UACA: variants seen among roughly 807,000 people sequenced by gnomAD.
UACA encodes the protein nuclear membrane binding protein.
A neutral mutation model predicts 160.5 loss-of-function variants in UACA; 112 were observed. The observed-to-expected ratio is 0.70, with a 90% CI of 0.60 to 0.82. UACA has a LOEUF of 0.82. Among genes scored for constraint, UACA ranks in the 40% least tolerant of loss-of-function variants. The probability of loss-of-function intolerance (pLI) is 0.00; values close to 1 mark genes in which losing one functional copy is unlikely to be tolerated. For missense variants in UACA, 1,574 were observed against 1,614.6 expected (o/e 0.97, Z 0.43); for synonymous variants, 557 against 568.4 (o/e 0.98, Z 0.29).
intron 1 of UACA, among the ~76,000 whole-genome samples, chr15:70,756,547 G>A (rs1017308978): frequency 6.6e-6 from 1 of 152,020 alleles, no homozygotes; most frequent in Admixed American, 6.6e-5. Flanking sequence ...TTATTTTGAA[G>A]GAAATCCCAG....
intron 1 of UACA, among the ~76,000 whole-genome samples, chr15:70,721,410 G>A (rs1322487857): frequency 6.6e-6 from 1 of 152,158 alleles, no homozygotes; most frequent in African/African-American, 2.4e-5. Context: ...CGGATCACAA[G>A]GTCAGGAGAT....
intron 17 of UACA, chr15:70,661,462 C>G (rs1275412538): frequency 1.3e-5 from 2 of 152,150 alleles, no homozygotes; most frequent in South Asian, 2.1e-4. Context: ...GGACACTATA[C>G]TCTTTGGATA....
intron 1 of UACA, among the ~76,000 whole-genome samples, chr15:70,744,227 C>T (rs1270862946): frequency 1.5e-5 from 2 of 130,238 alleles, no homozygotes; most frequent in African/African-American, 3.0e-5. Flanking sequence ...CCAGCCTGGG[C>T]GACAGAGCAA....
At chr15:70,721,758 G>T (rs189924243) in intron 1 of UACA, among the ~76,000 whole-genome samples, 54 of 152,172 alleles carry the variant, frequency 3.5e-4, no homozygotes, top group Non-Finnish European at 6.9e-4. Flanking sequence ...CTTAGAGTAA[G>T]TTCAGTCACC....
the UACA span, among the ~76,000 whole-genome samples, chr15:70,771,181 C>T: frequency 2.0e-5 from 3 of 152,282 alleles, no homozygotes; most frequent in South Asian, 4.1e-4. Flanking sequence ...ATTTCATTAC[C>T]GTGCTTCCTG....
At chr15:70,690,820 G>GA (rs551827534) in intron 4 of UACA, among the ~76,000 whole-genome samples, 30 of 151,788 alleles carry the variant, frequency 2.0e-4, no homozygotes, top group Non-Finnish European at 3.8e-4. Context: ...TACTGAATCA[G>GA]AAAAGCAGGT....
At chr15:70,770,578 T>C in the UACA span, among the ~76,000 whole-genome samples, 50 of 152,342 alleles carry the variant, frequency 3.3e-4, no homozygotes, top group Middle Eastern at 6.8e-3. Flanking sequence ...CAACACATGC[T>C]GAACTTCAAA....
chr15:70,762,044 CT>C lies in UACA; in HGVS notation c.78+1285del, dbSNP rs200284571. Among the ~76,000 whole-genome samples, 613 of 152,002 alleles carry C rather than the reference CT, an allele frequency of 4.0e-3. 2 individuals carry two copies. Among genetic ancestry groups the C allele is most frequent in the Non-Finnish European group, 7.0e-3 (479 of 67,962 alleles). On this transcript the variant is annotated intron_variant, in intron 1 of 18. Transcript: ENST00000322954. ...CACTAAATGACATTTCTGCCAGTTA[CT>C]TTTTTTAAAAAAAAAAGTGAAACAA...
intron 7 of UACA, among the ~76,000 whole-genome samples, chr15:70,686,841 G>T (rs1315795360): frequency 6.6e-6 from 1 of 152,058 alleles, no homozygotes; most frequent in East Asian, 1.9e-4. Context: ...TAAATGGAAG[G>T]GGTGTGTTTC....
intron 3 of UACA, among the ~76,000 whole-genome samples, chr15:70,691,653 C>A (rs571658832): frequency 1.3e-5 from 2 of 152,142 alleles, no homozygotes; most frequent in South Asian, 4.1e-4. Flanking sequence ...GTACCTAAAA[C>A]ACAGCAGATA....
intron 1 of UACA, among the ~76,000 whole-genome samples, chr15:70,700,882 A>C (rs1044787030): frequency 6.6e-6 from 1 of 152,102 alleles, no homozygotes; most frequent in African/African-American, 2.4e-5. Flanking sequence ...AAATACCCTA[A>C]CAAATCTGAG....
chr15:70,727,116 T>C (rs547278306), intron 1 of UACA, among the ~76,000 whole-genome samples: 5 of 152,326 alleles, frequency 3.3e-5, no homozygotes, highest in Admixed American at 1.3e-4. Flanking sequence ...TGCAGCTTTT[T>C]CTTAAGGGTT....
In UACA at chr15:70,670,953, T is replaced by A. The variant is rs1301253726; in HGVS notation, c.1221+86A>T. 28 of 752,154 alleles carry A rather than the reference T, an allele frequency of 3.7e-5. No homozygotes were observed. The Admixed American group carries it at 8.8e-4, about 24-fold the overall frequency. The allele number at this position is 752,154 out of a possible 1,614,324, so 46.6% of individuals were successfully genotyped here. A position where few individuals can be genotyped will look rare whatever the true frequency, so the allele number is the denominator to read the frequency against. On this transcript the variant is annotated intron_variant, in intron 15 of 18. Coordinates refer to ENST00000322954, the MANE Select transcript of UACA (RefSeq NM_018003.4). ...TCACTCTATGTATATATACTTAATG[T>A]ACAATGCCGCTTTCTCCTCTCTTTA...
intron 5 of UACA, 58 bp from the exon 6 acceptor site, chr15:70,687,878 G>T: frequency 6.6e-7 from 1 of 1,512,996 alleles, no homozygotes; most frequent in Non-Finnish European, 9.2e-7. Flanking sequence ...GACACATAGT[G>T]TTTTTCTAGG....
chr15:70,749,559 C>T (rs548922193), intron 1 of UACA, among the ~76,000 whole-genome samples: 4 of 150,608 alleles, frequency 2.7e-5, no homozygotes, highest in African/African-American at 9.8e-5. Context: ...ATTAGCCAGG[C>T]GTAGTGGTGG....
At position 70,695,117 on chromosome 15, in the gene UACA, A is replaced by G. The variant is rs1319184647; in HGVS notation, c.213-12T>C. 1.3e-6 allele frequency: 2 copies of G among 1,577,110 alleles called. No individual in the cohort carries two copies. The highest frequency in any genetic ancestry group is 1.7e-6 in the Non-Finnish European group (2 of 1,162,592). ...TCACAACATGGAAGCTAAACAAAAA[A>G]AAAATATTTGTTGTGCTAAGGAAAC... On this transcript the variant is annotated splice_polypyrimidine_tract_variant and intron_variant, in intron 2 of 18. Coordinates refer to ENST00000322954, the MANE Select transcript of UACA (RefSeq NM_018003.4).
At chr15:70,701,427 G>A (rs928592056) in intron 1 of UACA, among the ~76,000 whole-genome samples, 19 of 152,168 alleles carry the variant, frequency 1.2e-4, no homozygotes, top group African/African-American at 3.9e-4. Flanking sequence ...ACAAATGCTT[G>A]TTCTAGATTT....
At chr15:70,681,849 C>T (rs1897519734) in intron 9 of UACA, 1 of 152,218 alleles carries the variant, frequency 6.6e-6, no homozygotes, top group Admixed American at 6.5e-5. Flanking sequence ...CAAACTGGCA[C>T]ATTCAGCACA....
Position 70,669,282 on chromosome 15 carries a change from C to A in UACA, c.1402G>T (p.Ala468Ser). The A allele has an allele frequency of 6.2e-7, 1 of 1,614,002 alleles. No homozygotes were observed. The highest frequency in any genetic ancestry group is 2.2e-5 in the East Asian group (1 of 44,874). ...QDRLKLQNEL[A>S]HKVAECKALA... ...GCTTTGCATTCTGCCACTTTGTGTG[C>A]CAGTTCATTTTGGAGCTTCAGTCGG... Residue 468 changes from alanine to serine, a missense_variant, in exon 16 of 19, where the codon GCA becomes TCA. Physicochemically the swap from Ala to Ser is moderately conservative, Grantham distance 99. Coordinates refer to ENST00000322954, the MANE Select transcript of UACA (RefSeq NM_018003.4).
Sources: gnomAD v4.1 joint callset for allele counts (sites outside exome capture counted in the v4.1 genomes callset) on GRCh38, gnomAD v4.1.1 for gene constraint, MANE v1.5 for transcripts, NCBI Gene and HGNC (gene_info 2026-07-23, HGNC 2026-07-21) for gene names.